The following DMRT1 variants were observed in gnomAD, a reference collection of about 807,000 sequenced individuals.
The protein encoded by DMRT1 is doublesex and mab-3 related transcription factor 1.
A neutral mutation model predicts 32.3 loss-of-function variants in DMRT1; 7 were observed. The observed-to-expected ratio is 0.22, with a 90% confidence interval of 0.12 to 0.41. The LOEUF (loss-of-function observed/expected upper bound fraction) is 0.41, where lower values mean the gene tolerates loss of function less well. Ranked by LOEUF, DMRT1 falls within the 10% of genes least tolerant of loss-of-function variation. DMRT1 has a pLI of 1.00. For synonymous variants in DMRT1, 278 were observed against 206.1 expected, an observed-to-expected ratio of 1.35 and a Z score of -2.99; for missense variants, 625 against 500.5, an observed-to-expected ratio of 1.25 and a Z score of -2.37.
At chr9:936,683 G>A (rs1173153947) in intron 4 of DMRT1, among the ~76,000 whole-genome samples, 1 of 150,570 alleles carries the variant, frequency 6.6e-6, no homozygotes, top group Non-Finnish European at 1.5e-5. Flanking sequence ...GAACCTGGGA[G>A]GCGGAAATTG....
rs182909275 is a variant in DMRT1, at chr9:875,370, C to G, written c.539-18542C>G. Reference sequence around the variant, plus strand: ...GGGCTCCCAGACCTGGGCCCGACAGCTTTAGAGTCTTTGTCCTTCCCTGAC... The same window carrying G: ...GGGCTCCCAGACCTGGGCCCGACAGGTTTAGAGTCTTTGTCCTTCCCTGAC... On this transcript the variant is annotated intron_variant, in intron 2 of 4. Coordinates refer to ENST00000382276, the MANE Select transcript of DMRT1 (RefSeq NM_021951.3). Among the ~76,000 whole-genome samples the G allele has an allele frequency of 3.1e-3, 468 of 152,204 alleles. 3 individuals are homozygous for G. The highest frequency in any genetic ancestry group is 0.011 in the African/African-American group (450 of 41,532).
At chr9:864,580 G>A (rs1815882066) in intron 2 of DMRT1, among the ~76,000 whole-genome samples, 1 of 145,638 alleles carries the variant, frequency 6.9e-6, no homozygotes, top group Non-Finnish European at 1.5e-5. Flanking sequence ...CTCACTGCAA[G>A]CTCTGTGTCC....
intron 4 of DMRT1, among the ~76,000 whole-genome samples, chr9:962,208 G>C (rs1216419443): frequency 1.3e-5 from 2 of 152,182 alleles, no homozygotes; most frequent in Non-Finnish European, 2.9e-5. Context: ...GTAAAAGTGA[G>C]TCAGCCCCTC....
chr9:907,018 C>T (rs1817800128), intron 3 of DMRT1, among the ~76,000 whole-genome samples: 1 of 152,118 alleles, frequency 6.6e-6, no homozygotes, highest in South Asian at 2.1e-4. Context: ...TGCTCATTTT[C>T]TTCCTCTGAA....
At chr9:845,374 G>C (rs182036855) in intron 1 of DMRT1, among the ~76,000 whole-genome samples, 2 of 151,068 alleles carry the variant, frequency 1.3e-5, no homozygotes, top group Admixed American at 1.3e-4. Flanking sequence ...TGCCTGGCTA[G>C]TTTTTGTATT....
At chr9:870,560 C>G (rs1336132109) in intron 2 of DMRT1, among the ~76,000 whole-genome samples, 1 of 152,092 alleles carries the variant, frequency 6.6e-6, no homozygotes, top group African/African-American at 2.4e-5. Flanking sequence ...GCATTGTAGT[C>G]TCTTCTCAGA....
chr9:904,942 C>A (rs376095176), intron 3 of DMRT1, among the ~76,000 whole-genome samples: 280 of 135,206 alleles, frequency 2.1e-3, no homozygotes, highest in Admixed American at 2.5e-3. Context: ...AACTCCGTCT[C>A]AAAAAAAAAA....
At chr9:861,839 A>T (rs538850400) in intron 2 of DMRT1, among the ~76,000 whole-genome samples, 1 of 148,608 alleles carries the variant, frequency 6.7e-6, no homozygotes, top group Non-Finnish European at 1.5e-5. Flanking sequence ...GCGGCCGGTC[A>T]GAGACGCTCC....
chr9:861,689 G>GCT (rs1815689307), intron 2 of DMRT1, among the ~76,000 whole-genome samples: 5 of 147,890 alleles, frequency 3.4e-5, no homozygotes, highest in Admixed American at 3.4e-4. Context: ...CGGGCAGAGG[G>GCT]GCCCCCCACC....
chr9:900,780 G>A (rs1817542620), intron 3 of DMRT1, among the ~76,000 whole-genome samples: 2 of 151,830 alleles, frequency 1.3e-5, no homozygotes, highest in Non-Finnish European at 2.9e-5. Flanking sequence ...CAACTCCTGG[G>A]TTCGAGTGAT....
chr9:932,394 A>C (rs1444550593), intron 4 of DMRT1, among the ~76,000 whole-genome samples: 3 of 152,244 alleles, frequency 2.0e-5, no homozygotes, highest in Admixed American at 6.5e-5. Flanking sequence ...ATAATGAGCC[A>C]ATGCAATGGT....
chr9:959,585 G>A (rs1289553475), intron 4 of DMRT1, among the ~76,000 whole-genome samples: 2 of 152,302 alleles, frequency 1.3e-5, no homozygotes, highest in African/African-American at 4.8e-5. Context: ...CTGGAGTGCA[G>A]TGGCACTATC....
At chr9:857,719 G>A (rs1452159309) in intron 2 of DMRT1, among the ~76,000 whole-genome samples, 1 of 151,134 alleles carries the variant, frequency 6.6e-6, no homozygotes, top group Non-Finnish European at 1.5e-5. Context: ...TTGGTGTGCT[G>A]CACCCATTAA....
chr9:945,740 CTTTT>C (rs33925005), intron 4 of DMRT1, among the ~76,000 whole-genome samples: 1 of 134,174 alleles, frequency 7.5e-6, no homozygotes, highest in Non-Finnish European at 1.6e-5. Context: ...AAAATACACA[CTTTT>C]TTTTTTTTTT....
chr9:916,968 G>A (rs990405818), intron 4 of DMRT1, 61 bp downstream of exon 4: 5 of 1,582,032 alleles, frequency 3.2e-6, no homozygotes, highest in South Asian at 1.1e-5. Context: ...TCCAGTATTG[G>A]GTCATTAGCT....
chr9:889,128 C>A (rs983981505), intron 2 of DMRT1, among the ~76,000 whole-genome samples: 8 of 151,994 alleles, frequency 5.3e-5, no homozygotes, highest in African/African-American at 1.9e-4. Context: ...CCACACTGTG[C>A]GAACCATTGG....
chr9:945,541 T>G (rs968887531), intron 4 of DMRT1, among the ~76,000 whole-genome samples: 1 of 152,204 alleles, frequency 6.6e-6, no homozygotes, highest in African/African-American at 2.4e-5. Context: ...TTTTTGTATT[T>G]TTATTCATCT....
chr9:916,738 A>G (rs373339354), intron 3 of DMRT1, 25 bp from the exon 4 acceptor site: 9 of 1,613,144 alleles, frequency 5.6e-6, no homozygotes, highest in Non-Finnish European at 7.6e-6. Context: ...TGATCTCAGT[A>G]TATTTCTTCT....
intron 4 of DMRT1, among the ~76,000 whole-genome samples, chr9:942,630 AACACTAT>A (rs1473235366): frequency 6.6e-6 from 1 of 152,156 alleles, no homozygotes; most frequent in Non-Finnish European, 1.5e-5. Context: ...AATTTTTAAA[AACACTAT>A]ACCTGTGGTT....
Sources: gnomAD v4.1 joint callset for allele counts (sites outside exome capture counted in the v4.1 genomes callset) on GRCh38, gnomAD v4.1.1 for gene constraint, MANE v1.5 for transcripts, NCBI Gene and HGNC (gene_info 2026-07-23, HGNC 2026-07-21) for gene names.